WNT9B: variants seen among roughly 807,000 people sequenced by gnomAD.
WNT9B encodes Wnt family member 9B.
A neutral mutation model predicts 30.2 loss-of-function variants in WNT9B; 12 were observed. The ratio of observed to expected loss-of-function variants is 0.40; its 90% confidence interval spans 0.26 to 0.64. The LOEUF (loss-of-function observed/expected upper bound fraction) is 0.64. Among genes scored for constraint, WNT9B ranks in the 30% least tolerant of loss-of-function variants. WNT9B has a pLI of 0.42. For missense variants in WNT9B, 442 were observed against 485.2 expected (o/e 0.91, Z 0.84); for synonymous variants, 218 against 216.9 (o/e 1.01, Z -0.05).
intron 3 of WNT9B, 61 bp from the exon 4 acceptor site, chr17:46,876,184 G>A (rs2085342070): frequency 6.8e-7 from 1 of 1,476,300 alleles, no homozygotes; most frequent in Admixed American, 2.1e-5. Flanking sequence ...GTGCTCTGGG[G>A]GCAGGCTCTG....
At chr17:46,836,095 C>CGTACGTGTGTGTGT (rs1555692746) in intron 1 of WNT9B, among the ~76,000 whole-genome samples, 47 of 126,502 alleles carry the variant, frequency 3.7e-4, no homozygotes, top group African/African-American at 1.4e-3. Flanking sequence ...GAGACGCTGA[C>CGTACGTGTGTGTGT]GTGTGTGTGT....
chr17:46,850,030 A>T (rs756683870), upstream of WNT9B, among the ~76,000 whole-genome samples: 11 of 152,074 alleles, frequency 7.2e-5, no homozygotes, highest in Non-Finnish European at 1.3e-4. Context: ...TTGTATTTTT[A>T]GGAGAGACAG....
intron 1 of WNT9B, among the ~76,000 whole-genome samples, chr17:46,839,954 TTC>T (rs2084683855): frequency 6.7e-6 from 1 of 149,404 alleles, no homozygotes; most frequent in Non-Finnish European, 1.5e-5. Context: ...CTTTCTTTCT[TTC>T]TTTCTTTCTT....
In WNT9B at chr17:46,880,015, C is replaced by T. The variant is rs2085402861; in HGVS notation, c.*3297C>T. Among the ~76,000 whole-genome samples the T allele has an allele frequency of 6.6e-6, 1 of 152,234 alleles. No homozygotes were observed. Among genetic ancestry groups the T allele is most frequent in the South Asian group, 2.1e-4 (1 of 4,834 alleles). On this transcript the variant is annotated 3_prime_UTR_variant, in exon 4 of 4. Transcript: ENST00000290015. ...TTTGATTGCTCTCATTTGTGTTTTG[C>T]TTGTAAAAATGAATTGTTTTCCACT...
intron 2 of WNT9B, among the ~76,000 whole-genome samples, chr17:46,874,537 C>T (rs1214056098): frequency 6.6e-6 from 1 of 152,108 alleles, no homozygotes; most frequent in Non-Finnish European, 1.5e-5. Flanking sequence ...GGAACATACT[C>T]CATAGTGAAT....
exon 1 of WNT9B, chr17:46,833,297 G>A (rs754854137): frequency 8.9e-5 from 44 of 494,560 alleles, no homozygotes; most frequent in Non-Finnish European, 1.4e-4. Flanking sequence ...AAGTTCTAAC[G>A]TCCCACTGAA....
intron 1 of WNT9B, among the ~76,000 whole-genome samples, chr17:46,840,453 A>G (rs1302960985): frequency 6.6e-6 from 1 of 152,254 alleles, no homozygotes; most frequent in East Asian, 1.9e-4. Context: ...TATTGTGAAT[A>G]GCACCACAAT....
At chr17:46,885,255 C>T, downstream of WNT9B, 3 of 297,830 alleles carry the variant, frequency 1.0e-5, no homozygotes, top group Non-Finnish European at 2.0e-5. Context: ...ATCCACCCGC[C>T]TCGGCCTCCC....
chr17:46,839,904 A>G (rs1598825852), intron 1 of WNT9B, among the ~76,000 whole-genome samples: 3 of 143,022 alleles, frequency 2.1e-5, no homozygotes, highest in African/African-American at 7.8e-5. Flanking sequence ...TATGTGCCAC[A>G]TTTTCTCTTT....
rs1281943797 is a variant in WNT9B, at chr17:46,877,592, C to T, written c.*874C>T. ...TGGCCAAAGGAATCTTCACTCCCAG[C>T]GCAGAGGAGGAGGGCAACAGCTTCC... On this transcript the variant is annotated 3_prime_UTR_variant, in exon 4 of 4. Transcript: ENST00000290015. 2.0e-5 allele frequency among the ~76,000 whole-genome samples: 3 copies of T among 152,146 alleles called. No individual in the cohort carries two copies. The highest frequency in any genetic ancestry group is 4.4e-5 in the Non-Finnish European group (3 of 68,028).
intron 1 of WNT9B, among the ~76,000 whole-genome samples, chr17:46,836,460 C>T (rs1163919668): frequency 6.6e-6 from 1 of 152,018 alleles, no homozygotes; most frequent in Non-Finnish European, 1.5e-5. Context: ...CAAGTAAGCA[C>T]TTTGAATATC....
chr17:46,860,156 C>T (rs911340253), intron 1 of WNT9B, among the ~76,000 whole-genome samples: 7 of 152,154 alleles, frequency 4.6e-5, no homozygotes, highest in African/African-American at 1.7e-4. Flanking sequence ...CCCTGAGGAG[C>T]TGGGCTCCAG....
chr17:46,869,302 G>C (rs2085197496), intron 1 of WNT9B, among the ~76,000 whole-genome samples: 1 of 152,276 alleles, frequency 6.6e-6, no homozygotes, highest in South Asian at 2.1e-4. Flanking sequence ...CTCTGGGGTG[G>C]GGCCTGAGGA....
At chr17:46,869,138 G>A (rs1029639858) in intron 1 of WNT9B, among the ~76,000 whole-genome samples, 4 of 152,164 alleles carry the variant, frequency 2.6e-5, no homozygotes, top group South Asian at 2.1e-4. Context: ...ACCAGGGCCC[G>A]GTGTGGCCTG....
intron 3 of WNT9B, among the ~76,000 whole-genome samples, chr17:46,875,654 G>A (rs902851468): frequency 2.6e-5 from 4 of 152,216 alleles, no homozygotes; most frequent in Admixed American, 6.5e-5. Flanking sequence ...GTGAAGCAGG[G>A]ACATGTTTGG....
intron 1 of WNT9B, among the ~76,000 whole-genome samples, chr17:46,858,682 G>A (rs1032326965): frequency 1.4e-4 from 21 of 152,118 alleles, no homozygotes; most frequent in African/African-American, 4.8e-4. Flanking sequence ...CCAGAACCAT[G>A]TAGGATGGGT....
intron 2 of WNT9B, among the ~76,000 whole-genome samples, chr17:46,874,558 CATTT>C (rs953247448): frequency 1.3e-5 from 2 of 152,056 alleles, no homozygotes; most frequent in African/African-American, 4.8e-5. Context: ...TTGTAAATTC[CATTT>C]ATTTATTTAT....
chr17:46,846,461 T>C (rs895059231), intron 1 of WNT9B, among the ~76,000 whole-genome samples: 2 of 152,188 alleles, frequency 1.3e-5, no homozygotes, highest in African/African-American at 4.8e-5. Flanking sequence ...GGATGCCTAA[T>C]CTCCCAAACT....
rs561602825 is a variant in WNT9B, at chr17:46,854,481, C to A, written c.77+2766C>A. On this transcript the variant is annotated intron_variant, in intron 1 of 3. Coordinates refer to ENST00000290015, the MANE Select transcript of WNT9B (RefSeq NM_003396.3). The stretch of plus-strand genomic sequence containing the variant: ...GTTGGAAGTGACCCCAGAAGGATCT[C>A]TGGTCCAAAACTCACTGCTTCAAGC... Among the ~76,000 whole-genome samples, 42 of 152,310 alleles carry A rather than the reference C, an allele frequency of 2.8e-4. 1 individual carries two copies. The South Asian group carries it at 8.7e-3, about 32-fold the overall frequency.
Sources: allele counts gnomAD v4.1 joint callset (sites outside exome capture counted in the v4.1 genomes callset), GRCh38; gene constraint gnomAD v4.1.1; transcripts MANE v1.5; gene names NCBI Gene and HGNC (gene_info 2026-07-23, HGNC 2026-07-21).